IQCM: variants seen among roughly 807,000 people sequenced by gnomAD.
IQCM encodes the protein IQ motif containing M, also known as IQ domain-containing protein M.
IQCM carries 45 observed loss-of-function variants against 57.6 expected under a neutral mutation model. That is an observed-to-expected ratio of 0.78 (90% CI 0.62 to 1.00). The LOEUF is 1.00. IQCM is among the 50% of genes least tolerant of loss of function. The pLI is 0.00. For missense variants in IQCM, 468 were observed against 511.6 expected (o/e 0.91, Z 0.82); for synonymous variants, 148 against 158.9 (o/e 0.93, Z 0.51).
intron 13 of IQCM, 117 bp downstream of exon 13, chr4:149,433,279 C>T: frequency 2.1e-6 from 1 of 483,528 alleles, no homozygotes. Context: ...GTAAAGAGAA[C>T]ATTCTATAAG....
At chr4:149,810,738 C>T in intron 2 of IQCM, among the ~76,000 whole-genome samples, 1 of 152,154 alleles carries the variant, frequency 6.6e-6, no homozygotes, top group East Asian at 1.9e-4. Flanking sequence ...GCGTGAGCCA[C>T]CATGCCCAGC....
intron 13 of IQCM, among the ~76,000 whole-genome samples, chr4:149,383,430 T>G (rs1375968061): frequency 2.6e-5 from 4 of 152,130 alleles, no homozygotes; most frequent in Admixed American, 6.6e-5. Flanking sequence ...GATACTGTGG[T>G]CAAGTGGACA....
chr4:149,672,419 G>A (rs560943963), intron 7 of IQCM, among the ~76,000 whole-genome samples: 1 of 152,266 alleles, frequency 6.6e-6, no homozygotes, highest in African/African-American at 2.4e-5. Context: ...AAACAGAGTA[G>A]AGAAGACCTT....
At chr4:149,435,312 C>G (rs1009192670) in intron 12 of IQCM, among the ~76,000 whole-genome samples, 4 of 151,980 alleles carry the variant, frequency 2.6e-5, no homozygotes, top group African/African-American at 9.7e-5. Context: ...AACAACATTT[C>G]AGTAATGATG....
At chr4:149,682,551 T>C (rs1022831153) in intron 6 of IQCM, among the ~76,000 whole-genome samples, 1 of 151,074 alleles carries the variant, frequency 6.6e-6, no homozygotes, top group African/African-American at 2.4e-5. Context: ...CCTAACATGA[T>C]TGAGAGAGCT....
intron 8 of IQCM, among the ~76,000 whole-genome samples, chr4:149,610,992 A>G (rs1272940588): frequency 6.6e-6 from 1 of 152,156 alleles, no homozygotes; most frequent in Non-Finnish European, 1.5e-5. Context: ...CAAAATATAT[A>G]AAAAGCTCAA....
chr4:149,382,992 CAAAAAA>C (rs202088268), intron 13 of IQCM, among the ~76,000 whole-genome samples: 3 of 103,970 alleles, frequency 2.9e-5, no homozygotes, highest in Non-Finnish European at 6.3e-5. Flanking sequence ...TATTCTTCAG[CAAAAAA>C]AAAAAAAAAA....
intron 2 of IQCM, among the ~76,000 whole-genome samples, chr4:149,773,130 T>C (rs948660862): frequency 2.6e-5 from 4 of 152,146 alleles, no homozygotes; most frequent in Non-Finnish European, 5.9e-5. Flanking sequence ...GGCGGGTGGA[T>C]CACGAGGTCA....
intron 12 of IQCM, among the ~76,000 whole-genome samples, chr4:149,507,384 T>C (rs367921042): frequency 2.2e-4 from 34 of 152,302 alleles, no homozygotes; most frequent in Middle Eastern, 6.8e-3. Context: ...TTTGGAACTT[T>C]GGAGACTTTT....
At chr4:149,484,893 C>G (rs1257193394) in intron 12 of IQCM, among the ~76,000 whole-genome samples, 1 of 152,028 alleles carries the variant, frequency 6.6e-6, no homozygotes, top group Non-Finnish European at 1.5e-5. Context: ...TTGATGAAAT[C>G]CCTCAGCTTT....
chr4:149,487,273 C>G (rs1238325952), intron 12 of IQCM, among the ~76,000 whole-genome samples: 1 of 152,150 alleles, frequency 6.6e-6, no homozygotes, highest in African/African-American at 2.4e-5. Context: ...GCCCAGTGCC[C>G]TATCTTACAG....
chr4:149,746,312 A>T lies in IQCM; in HGVS notation c.-48-3573T>A, dbSNP rs373941610. Among the ~76,000 whole-genome samples, 219 of 152,218 alleles carry T rather than the reference A, an allele frequency of 1.4e-3. 4 individuals carry two copies. The highest frequency in any genetic ancestry group is 0.014 in the Middle Eastern group (4 of 294). Reference sequence around the variant, plus strand: ...TTTTATTTCTCCTATATTTTTGTCTACCACATCCAATTCATCAAGTCTTCT... The same window carrying T: ...TTTTATTTCTCCTATATTTTTGTCTTCCACATCCAATTCATCAAGTCTTCT... On this transcript the variant is annotated intron_variant, in intron 2 of 13. Coordinates refer to ENST00000636793, the MANE Select transcript of IQCM (RefSeq NM_001363507.2).
intron 2 of IQCM, among the ~76,000 whole-genome samples, chr4:149,762,316 G>C (rs1401172431): frequency 6.6e-6 from 1 of 151,572 alleles, no homozygotes; most frequent in Non-Finnish European, 1.5e-5. Context: ...CATTAGGGTA[G>C]CCAAATAAGA....
At chr4:149,649,063 G>A (rs1334950477) in intron 7 of IQCM, among the ~76,000 whole-genome samples, 1 of 152,070 alleles carries the variant, frequency 6.6e-6, no homozygotes, top group African/African-American at 2.4e-5. Flanking sequence ...GACCAAGCTA[G>A]GCTATGCATA....
At chr4:149,552,306 A>T (rs1250968574) in intron 11 of IQCM, among the ~76,000 whole-genome samples, 1 of 152,214 alleles carries the variant, frequency 6.6e-6, no homozygotes, top group African/African-American at 2.4e-5. Flanking sequence ...TTAAATGTAA[A>T]ATAAATACTG....
intron 5 of IQCM, chr4:149,690,783 T>C (rs917772128): frequency 4.6e-5 from 7 of 152,124 alleles, no homozygotes; most frequent in Admixed American, 2.0e-4. Flanking sequence ...TTATCTCATG[T>C]AAGCTTCAAC....
chr4:149,405,922 A>G (rs1488652970), intron 13 of IQCM, among the ~76,000 whole-genome samples: 1 of 147,628 alleles, frequency 6.8e-6, no homozygotes, highest in Non-Finnish European at 1.5e-5. Context: ...ATCTCCATAT[A>G]TGTAAATATA....
At chr4:149,809,670 G>A (rs1429004572) in intron 2 of IQCM, among the ~76,000 whole-genome samples, 1 of 152,128 alleles carries the variant, frequency 6.6e-6, no homozygotes, top group Non-Finnish European at 1.5e-5. Flanking sequence ...CTCCTCGACT[G>A]ATCCTTGCCA....
intron 13 of IQCM, among the ~76,000 whole-genome samples, chr4:149,374,276 A>C (rs2110997325): frequency 6.6e-6 from 1 of 152,150 alleles, no homozygotes; most frequent in South Asian, 2.1e-4. Flanking sequence ...CCATCTATTT[A>C]TTTATCTATC....
Sources: gnomAD v4.1 joint callset for allele counts (sites outside exome capture counted in the v4.1 genomes callset) on GRCh38, gnomAD v4.1.1 for gene constraint, MANE v1.5 for transcripts, NCBI Gene and HGNC (gene_info 2026-07-23, HGNC 2026-07-21) for gene names.